Variants in FAM107B observed in about 807,000 individuals in gnomAD.
The protein encoded by FAM107B is family with sequence similarity 107 member B.
FAM107B carries 21 observed loss-of-function variants against 31.5 expected under a neutral mutation model. The observed-to-expected ratio is 0.67, with a 90% CI of 0.47 to 0.96. FAM107B has a LOEUF of 0.96. FAM107B is among the 40% of genes least tolerant of loss of function. FAM107B has a pLI of 0.00. For missense variants in FAM107B, 452 were observed against 377.1 expected (o/e 1.20, Z -1.64); for synonymous variants, 157 against 141.5 (o/e 1.11, Z -0.78).
intron 2 of FAM107B, among the ~76,000 whole-genome samples, chr10:14,534,293 A>C (rs576532233): frequency 7.4e-4 from 112 of 152,074 alleles, no homozygotes; most frequent in African/African-American, 2.6e-3. Flanking sequence ...CCCCTCCTTG[A>C]GTCTTTGTAC....
At chr10:14,765,966 G>A (rs1181300436) in intron 1 of FAM107B, among the ~76,000 whole-genome samples, 1 of 152,184 alleles carries the variant, frequency 6.6e-6, no homozygotes, top group Non-Finnish European at 1.5e-5. Flanking sequence ...AGGATGATGG[G>A]TGATGGGTGA....
intron 1 of FAM107B, among the ~76,000 whole-genome samples, chr10:14,699,969 G>A (rs1019293728): frequency 6.6e-6 from 1 of 152,128 alleles, no homozygotes; most frequent in African/African-American, 2.4e-5. Context: ...CTCCCGCTCT[G>A]TTGCCCAGGC....
At chr10:14,713,618 T>C (rs574318155) in intron 1 of FAM107B, among the ~76,000 whole-genome samples, 1 of 152,236 alleles carries the variant, frequency 6.6e-6, no homozygotes, top group Non-Finnish European at 1.5e-5. Flanking sequence ...TCAGGGTTCA[T>C]GGTTTCCTAG....
chr10:14,671,874 AAAAAAAAAAAC>A (rs1854557207), intron 1 of FAM107B, among the ~76,000 whole-genome samples: 2 of 38,336 alleles, frequency 5.2e-5, no homozygotes, highest in Admixed American at 2.7e-4. Flanking sequence ...CTTTTATTTA[AAAAAAAAAAAC>A]AAAAAAACAA....
In FAM107B at chr10:14,722,665, A is replaced by G. The variant is rs142442060; in HGVS notation, c.411+51588T>C. ...AAATCCTTTGCCCATTTTTAAATTGATCTTTTTATTGTTAAGTTGCCAGAG... is the reference window on the plus strand; with the variant it reads ...AAATCCTTTGCCCATTTTTAAATTGGTCTTTTTATTGTTAAGTTGCCAGAG... On this transcript the variant is annotated intron_variant, in intron 1 of 4. Coordinates refer to ENST00000181796, the MANE Select transcript of FAM107B (RefSeq NM_031453.4). Among the ~76,000 whole-genome samples, 522 of 152,262 alleles carry G rather than the reference A, an allele frequency of 3.4e-3. 11 individuals are homozygous for G. In the East Asian group the frequency reaches 0.045, roughly 13 times the overall value.
At chr10:14,716,891 A>C (rs1200820826) in intron 1 of FAM107B, among the ~76,000 whole-genome samples, 2 of 152,118 alleles carry the variant, frequency 1.3e-5, no homozygotes, top group Non-Finnish European at 2.9e-5. Context: ...GGAGTTTGAG[A>C]CCAACCTGGC....
intron 2 of FAM107B, among the ~76,000 whole-genome samples, chr10:14,549,914 G>C (rs766938564): frequency 3.9e-5 from 6 of 152,184 alleles, no homozygotes; most frequent in Admixed American, 6.5e-5. Context: ...AACACAGAAT[G>C]ATGAAAGCCT....
intron 1 of FAM107B, among the ~76,000 whole-genome samples, chr10:14,726,562 A>T (rs1856041182): frequency 6.6e-6 from 1 of 152,174 alleles, no homozygotes; most frequent in Admixed American, 6.5e-5. Context: ...AAGATAAAGA[A>T]CCATGTCATG....
At chr10:14,718,613 G>A (rs988396842) in intron 1 of FAM107B, among the ~76,000 whole-genome samples, 1 of 152,152 alleles carries the variant, frequency 6.6e-6, no homozygotes, top group Non-Finnish European at 1.5e-5. Flanking sequence ...CATGAGTTAG[G>A]TGAGCAGTAG....
chr10:14,547,776 C>T (rs930890985), intron 2 of FAM107B, among the ~76,000 whole-genome samples: 6 of 152,188 alleles, frequency 3.9e-5, no homozygotes, highest in African/African-American at 9.7e-5. Context: ...CCAGAAACAA[C>T]GGTAACAATG....
intron 1 of FAM107B, among the ~76,000 whole-genome samples, chr10:14,700,023 C>T (rs1490334112): frequency 6.6e-6 from 1 of 152,166 alleles, no homozygotes. Flanking sequence ...ACCTCCACCT[C>T]CCGGGTGCAA....
At chr10:14,689,245 T>C (rs1408506603) in intron 1 of FAM107B, among the ~76,000 whole-genome samples, 1 of 151,820 alleles carries the variant, frequency 6.6e-6, no homozygotes, top group Non-Finnish European at 1.5e-5. Context: ...CCAGGCTTGA[T>C]AGTATGCACC....
chr10:14,770,975 TAAAAAAAAAAA>T (rs56378196), intron 1 of FAM107B, among the ~76,000 whole-genome samples: 19 of 58,956 alleles, frequency 3.2e-4, no homozygotes, highest in African/African-American at 8.3e-4. Flanking sequence ...GAGGCTGAAC[TAAAAAAAAAAA>T]AAAAAAAAAA....
At chr10:14,549,063 C>A (rs1849010835) in intron 2 of FAM107B, among the ~76,000 whole-genome samples, 1 of 152,168 alleles carries the variant, frequency 6.6e-6, no homozygotes, top group African/African-American at 2.4e-5. Context: ...AGCCTCAATG[C>A]CATGTGAGGA....
intron 1 of FAM107B, among the ~76,000 whole-genome samples, chr10:14,706,864 C>T (rs188745441): frequency 3.9e-4 from 59 of 152,278 alleles, no homozygotes; most frequent in African/African-American, 1.3e-3. Flanking sequence ...CCGTGTCTCA[C>T]GCCTGGAATC....
intron 2 of FAM107B, among the ~76,000 whole-genome samples, chr10:14,598,063 T>A (rs1030800497): frequency 2.0e-5 from 3 of 152,218 alleles, no homozygotes; most frequent in African/African-American, 7.2e-5. Context: ...CCCTTAAACT[T>A]CTCAGATATT....
chr10:14,677,931 G>A (rs1854729918), intron 1 of FAM107B, among the ~76,000 whole-genome samples: 1 of 152,202 alleles, frequency 6.6e-6, no homozygotes, highest in South Asian at 2.1e-4. Flanking sequence ...ATGGGCGGGT[G>A]TTGTTAAACG....
chr10:14,572,330 A>C, intron 2 of FAM107B: 4 of 985,456 alleles, frequency 4.1e-6, no homozygotes, highest in Non-Finnish European at 4.8e-6. Context: ...CAGACTCTCC[A>C]GCCCTGGGTG....
rs745765049 is a variant in FAM107B, at chr10:14,559,099, CAAAAAAAAAAA to C, written c.470-28595_470-28585del. ...CACATCAAAATCACCTGTGGAACTTCAAAAAAAAAAAAAAAAAACAAAAAAAAAACACCTGG... is the reference window on the plus strand; with the variant it reads ...CACATCAAAATCACCTGTGGAACTTCAAAAAAACAAAAAAAAAACACCTGG... On this transcript the variant is annotated intron_variant, in intron 2 of 4. Transcript: ENST00000181796. 2.3e-5 allele frequency among the ~76,000 whole-genome samples: 2 copies of C among 88,200 alleles called. 1 individual carries two copies. The highest frequency in any genetic ancestry group is 9.5e-5 in the African/African-American group (2 of 20,994). 57.9% of individuals were successfully genotyped at this position (88,200 alleles called of 152,430 possible).
Sources: allele counts gnomAD v4.1 joint callset (sites outside exome capture counted in the v4.1 genomes callset), GRCh38; gene constraint gnomAD v4.1.1; transcripts MANE v1.5; gene names NCBI Gene and HGNC (gene_info 2026-07-23, HGNC 2026-07-21).